REPS2: variants seen among roughly 807,000 people sequenced by gnomAD.
The protein encoded by REPS2 is ralBP1-associated Eps domain-containing protein 2.
A neutral mutation model predicts 53.6 loss-of-function variants in REPS2; 23 were observed. The observed-to-expected ratio is 0.43, with a 90% CI of 0.31 to 0.61. The LOEUF is 0.61. REPS2 is among the 20% of genes least tolerant of loss of function. The pLI is 0.11. For missense variants in REPS2, 446 were observed against 534.9 expected, an observed-to-expected ratio of 0.83 and a Z score of 1.64; for synonymous variants, 238 against 218.6, an observed-to-expected ratio of 1.09 and a Z score of -0.78.
chrX:16,965,328 C>T (rs1349629548), intron 1 of REPS2, among the ~76,000 whole-genome samples: 9 of 111,285 alleles, frequency 8.1e-5, no homozygotes, highest in Non-Finnish European at 1.7e-4. Flanking sequence ...ACCCCCCCAC[C>T]TCCCTCCCGG....
chrX:17,182,442 A>G, the REPS2 span, among the ~76,000 whole-genome samples: 546 of 111,956 alleles, frequency 4.9e-3, 5 homozygotes, highest in African/African-American at 0.017. Context: ...TAACTTTACC[A>G]TGATAGTTTC....
intron 6 of REPS2, among the ~76,000 whole-genome samples, chrX:17,050,504 A>T (rs1335482708): frequency 9.0e-6 from 1 of 110,637 alleles, no homozygotes; most frequent in African/African-American, 3.3e-5. Context: ...TTTGTAGCCT[A>T]GGAGCAATAG....
chrX:16,947,029 G>A lies in REPS2; in HGVS notation c.168G>A (p.Gly56=). ...AGAAGGGPGS[G]PPEAARVAPG... Reference sequence around the variant, plus strand: ...CCGCGGGCGGGGGCCCCGGGTCTGGGCCCCCCGAGGCCGCCAGAGTCGCCC... The same window carrying A: ...CCGCGGGCGGGGGCCCCGGGTCTGGACCCCCCGAGGCCGCCAGAGTCGCCC... Residue 56 remains glycine (G), a synonymous_variant, in exon 1 of 18, where the codon GGG becomes GGA. Coordinates refer to ENST00000357277, the MANE Select transcript of REPS2 (RefSeq NM_004726.3). 1 of 980,702 alleles carries A rather than the reference G, an allele frequency of 1.0e-6. No individual in the cohort carries two copies. The highest frequency in any genetic ancestry group is 1.3e-6 in the Non-Finnish European group (1 of 783,645). The allele number at this position is 980,702 out of a possible 1,213,427, so 80.8% of individuals were successfully genotyped here.
intron 14 of REPS2, among the ~76,000 whole-genome samples, chrX:17,129,112 G>A (rs1401254545): frequency 9.0e-6 from 1 of 111,585 alleles, no homozygotes; most frequent in Non-Finnish European, 1.9e-5. Flanking sequence ...TATCGTGTTG[G>A]CAGAGTTGTT....
At chrX:16,954,418 ATCCT>A (rs2060565386) in intron 1 of REPS2, among the ~76,000 whole-genome samples, 1 of 112,256 alleles carries the variant, frequency 8.9e-6, no homozygotes. Context: ...CACCTTTGTT[ATCCT>A]GAAGCAAGTC....
downstream of REPS2, among the ~76,000 whole-genome samples, chrX:17,155,401 G>A (rs1023439492): frequency 3.6e-5 from 4 of 111,394 alleles, no homozygotes; most frequent in South Asian, 1.5e-3. Flanking sequence ...ACTCTCAAAG[G>A]CCCCACCCCT....
At chrX:17,130,623 A>G (rs2063279454) in intron 14 of REPS2, among the ~76,000 whole-genome samples, 1 of 111,837 alleles carries the variant, frequency 8.9e-6, no homozygotes, top group Non-Finnish European at 1.9e-5. Flanking sequence ...AGCTTCTCTT[A>G]AGCAGGATCT....
At chrX:17,156,519 G>T (rs2063616519), downstream of REPS2, among the ~76,000 whole-genome samples, 1 of 110,654 alleles carries the variant, frequency 9.0e-6, no homozygotes, top group African/African-American at 3.3e-5. Context: ...CATTGACATT[G>T]TTTAGACTTA....
intron 5 of REPS2, among the ~76,000 whole-genome samples, chrX:17,033,923 A>G (rs766834013): frequency 4.3e-4 from 48 of 111,886 alleles, no homozygotes; most frequent in Admixed American, 9.4e-4. Flanking sequence ...CCGGATGGTC[A>G]GTGTTCTCTG....
At chrX:17,044,606 C>T (rs997219250) in intron 5 of REPS2, 1 of 111,610 alleles carries the variant, frequency 9.0e-6, no homozygotes, top group African/African-American at 3.3e-5. Flanking sequence ...TCTTTGCCAC[C>T]AAATCGTTGG....
At chrX:17,171,553 T>G in the REPS2 span, among the ~76,000 whole-genome samples, 1 of 111,721 alleles carries the variant, frequency 9.0e-6, no homozygotes, top group South Asian at 3.8e-4. Flanking sequence ...AAGGTCTTGC[T>G]CTGTCACCCA....
In REPS2 at chrX:16,999,368, A is replaced by ATTT. The variant is rs1162932789; in HGVS notation, c.274-6831_274-6829dup. Among the ~76,000 whole-genome samples, 150 of 62,727 alleles carry ATTT rather than the reference A, an allele frequency of 2.4e-3. 2 individuals are homozygous for ATTT. The highest frequency in any genetic ancestry group is 8.4e-3 in the African/African-American group (127 of 15,081). 54.5% of individuals were successfully genotyped at this position (62,727 alleles called of 115,157 possible). A position where few individuals can be genotyped will look rare whatever the true frequency, so the allele number is the denominator to read the frequency against. On this transcript the variant is annotated intron_variant, in intron 1 of 17. Transcript: ENST00000357277. ...TTTGCTTCCACTAGTGATGTTCCTGATTTTTTTTTTTTTTTTTTTTTTTTG... is the reference window on the plus strand; with the variant it reads ...TTTGCTTCCACTAGTGATGTTCCTGATTTTTTTTTTTTTTTTTTTTTTTTTTTG...
chrX:17,191,521 T>A, the REPS2 span, among the ~76,000 whole-genome samples: 2 of 112,417 alleles, frequency 1.8e-5, no homozygotes, highest in African/African-American at 6.5e-5. Flanking sequence ...TTTGGAAAAC[T>A]GTTAGTGTCT....
the REPS2 span, among the ~76,000 whole-genome samples, chrX:17,189,891 A>G: frequency 8.9e-6 from 1 of 112,201 alleles, no homozygotes; most frequent in African/African-American, 3.2e-5. Context: ...CAGAACATGA[A>G]AGGAAGAGTC....
intron 1 of REPS2, among the ~76,000 whole-genome samples, chrX:16,967,159 C>A (rs1376397050): frequency 8.9e-6 from 1 of 112,206 alleles, no homozygotes; most frequent in East Asian, 2.8e-4. Flanking sequence ...TAATTTGTGA[C>A]ATGTGAAAAT....
intron 2 of REPS2, among the ~76,000 whole-genome samples, chrX:17,008,707 A>G (rs2061391135): frequency 8.9e-6 from 1 of 111,883 alleles, no homozygotes; most frequent in Non-Finnish European, 1.9e-5. Context: ...CTTGAAATCT[A>G]TTAGCTTAAT....
At chrX:17,177,202 A>G in the REPS2 span, among the ~76,000 whole-genome samples, 3 of 112,099 alleles carry the variant, frequency 2.7e-5, no homozygotes, top group East Asian at 5.6e-4. Context: ...CAGAACAAAT[A>G]TGGCAAGGAA....
chrX:17,008,414 A>G (rs1039174838), intron 2 of REPS2, among the ~76,000 whole-genome samples: 2 of 112,131 alleles, frequency 1.8e-5, no homozygotes, highest in Non-Finnish European at 3.8e-5. Flanking sequence ...TCCTGAGGGC[A>G]GGGAGCAGGA....
At chrX:17,068,271 G>A (rs1017041337) in intron 9 of REPS2, 131 bp from the exon 10 acceptor site, 125 of 371,353 alleles carry the variant, frequency 3.4e-4, no homozygotes, top group African/African-American at 4.8e-4. Context: ...CCGAGATCGC[G>A]CCACTGCACT....
Sources: allele counts gnomAD v4.1 joint callset (sites outside exome capture counted in the v4.1 genomes callset), GRCh38; gene constraint gnomAD v4.1.1; transcripts MANE v1.5; gene names NCBI Gene and HGNC (gene_info 2026-07-23, HGNC 2026-07-21).